The following UROS variants were observed in gnomAD, a reference collection of about 807,000 sequenced individuals.
UROS encodes uroporphyrinogen III synthase.
In UROS, 18 loss-of-function variants were observed where a neutral mutation model predicts 33.0. That is an observed-to-expected ratio of 0.55 (90% CI 0.38 to 0.81). UROS has a LOEUF of 0.81. Among genes scored for constraint, UROS ranks in the 30% least tolerant of loss-of-function variants. The pLI is 0.00. For missense variants in UROS, 293 were observed against 314.9 expected, an observed-to-expected ratio of 0.93 and a Z score of 0.53; for synonymous variants, 114 against 121.1, an observed-to-expected ratio of 0.94 and a Z score of 0.38.
intron 8 of UROS, chr10:125,795,205 G>A: frequency 1.7e-6 from 1 of 576,360 alleles, no homozygotes; most frequent in East Asian, 3.1e-5. Context: ...GCTGCCCCAG[G>A]TCTGTGTCTG....
At chr10:125,807,364 G>A (rs1426913165) in intron 6 of UROS, 49 bp downstream of exon 6, 7 of 1,529,034 alleles carry the variant, frequency 4.6e-6, no homozygotes, top group Non-Finnish European at 5.4e-6. Context: ...TGGTTGTGAG[G>A]TCAACAAAAA....
At chr10:125,791,057 A>T (rs1414613637) in intron 9 of UROS, among the ~76,000 whole-genome samples, 2 of 151,144 alleles carry the variant, frequency 1.3e-5, no homozygotes, top group Non-Finnish European at 2.9e-5. Context: ...GTGTCACTGC[A>T]CTCCAGCCTG....
intron 8 of UROS, 49 bp downstream of exon 8, chr10:125,796,054 C>T (rs1250937824): frequency 1.3e-6 from 2 of 1,569,916 alleles, no homozygotes; most frequent in Non-Finnish European, 1.8e-6. Context: ...CCCTCTGCTT[C>T]CCCACCTGGG....
In UROS at chr10:125,802,968, T is replaced by A. The variant is rs768010998; in HGVS notation, c.394+4445A>T. The A allele has an allele frequency of 1.4e-5, 22 of 1,612,750 alleles. No homozygotes were observed. The South Asian group carries it at 2.2e-4, about 16-fold the overall frequency. On this transcript the variant is annotated intron_variant, in intron 6 of 9. Transcript: ENST00000368797. ...ATATTACTCCAATGATTCATCAGCA[T>A]AAGGGCACGTCCAAACCCACTTTCT...
chr10:125,789,504 T>C, intron 9 of UROS: 1 of 360,656 alleles, frequency 2.8e-6, no homozygotes, highest in Non-Finnish European at 4.1e-6. Flanking sequence ...CCGTGGCCCA[T>C]CCTCTCTGGC....
chr10:125,785,352 T>A (rs1410095166), downstream of UROS: 1 of 152,224 alleles, frequency 6.6e-6, no homozygotes, highest in East Asian at 1.9e-4. Flanking sequence ...CATGCCTGCC[T>A]GCGAAGGAAG....
At chr10:125,805,285 T>G (rs1422186575) in intron 6 of UROS, among the ~76,000 whole-genome samples, 1 of 152,222 alleles carries the variant, frequency 6.6e-6, no homozygotes, top group Admixed American at 6.5e-5. Context: ...TCTTCATCCC[T>G]GCAGGAGCCC....
chr10:125,798,245 CT>C, intron 6 of UROS, 100 bp from the exon 7 acceptor site: 2 of 1,234,732 alleles, frequency 1.6e-6, no homozygotes, highest in Non-Finnish European at 2.4e-6. Flanking sequence ...CAGCCCTGGG[CT>C]CCAGGCCTGG....
rs930322801 is a variant in UROS, at chr10:125,816,055, A to T, written c.147+122T>A. Reference sequence around the variant, plus strand: ...CAGCCTCCTGGAGCCAGGTGAAGTTATGCTGCCATGTTTTAAAGTTTGGGA... The same window carrying T: ...CAGCCTCCTGGAGCCAGGTGAAGTTTTGCTGCCATGTTTTAAAGTTTGGGA... On this transcript the variant is annotated intron_variant, in intron 3 of 9. Coordinates refer to ENST00000368797, the MANE Select transcript of UROS (RefSeq NM_000375.3). The T allele has an allele frequency of 2.9e-6, 3 of 1,039,088 alleles. No homozygotes were observed. In the African/African-American group the frequency reaches 4.7e-5, roughly 16 times the overall value. 64.4% of individuals were successfully genotyped at this position (1,039,088 alleles called of 1,614,324 possible).
intron 3 of UROS, among the ~76,000 whole-genome samples, chr10:125,815,431 C>T (rs987537141): frequency 3.3e-5 from 5 of 152,150 alleles, no homozygotes; most frequent in East Asian, 1.9e-4. Flanking sequence ...GGAAGCCTGA[C>T]GCAGCCTGGG....
chr10:125,816,452 C>T lies in UROS; in HGVS notation c.48G>A (p.Gln16=). Residue 16 remains glutamine, a synonymous_variant, in exon 2 of 10, where the codon CAG becomes CAA. Transcript: ENST00000368797. ...GGCCACTTACCCTGATATACGGATC[C>T]TGGCCACAGTCATCTTCCTTCGCAT... The part of the protein sequence containing the change: ...LKDAKEDDCG[Q]DPYIRELGLY... 1.9e-6 allele frequency: 3 copies of T among 1,614,196 alleles called. No homozygotes were observed. Among genetic ancestry groups the T allele is most frequent in the Non-Finnish European group, 2.5e-6 (3 of 1,180,022 alleles).
At chr10:125,819,633 G>C (rs1853673298) in intron 1 of UROS, 1 of 152,312 alleles carries the variant, frequency 6.6e-6, no homozygotes, top group Admixed American at 6.5e-5. Context: ...ATGGGAGTGG[G>C]AAGGACCCTA....
intron 5 of UROS, among the ~76,000 whole-genome samples, chr10:125,808,851 A>G (rs896685132): frequency 5.9e-5 from 9 of 152,216 alleles, no homozygotes; most frequent in African/African-American, 1.4e-4. Context: ...TGGGGAATGC[A>G]TATTTGGTCT....
rs1160450319 is a variant in UROS at position 125,788,837 on chromosome 10, G to A, written c.*31C>T. 2.6e-6 allele frequency: 4 copies of A among 1,558,784 alleles called. No individual in the cohort carries two copies. Among genetic ancestry groups the A allele is most frequent in the East Asian group, 4.8e-5 (2 of 42,004 alleles). ...ATCCAGAGCCAGCCCAGCCCAGGGAGGCTGCATGGGGCCAGCGCTAGGTGG... is the reference window on the plus strand; with the variant it reads ...ATCCAGAGCCAGCCCAGCCCAGGGAAGCTGCATGGGGCCAGCGCTAGGTGG... On this transcript the variant is annotated 3_prime_UTR_variant, in exon 10 of 10. Transcript: ENST00000368797.
chr10:125,822,758 C>T lies in UROS; in HGVS notation c.-27+271G>A, dbSNP rs377109854. On this transcript the variant is annotated intron_variant, in intron 1 of 9. Coordinates refer to ENST00000368797, the MANE Select transcript of UROS (RefSeq NM_000375.3). ...CAGGCGCGAGACACCGGGCCCGGCC[C>T]CCCGCCGAAGCATTTTTAACTGCGG... Among the ~76,000 whole-genome samples the T allele has an allele frequency of 1.9e-3, 288 of 152,286 alleles. 4 individuals are homozygous for T. In the East Asian group the frequency reaches 0.023, roughly 12 times the overall value.
chr10:125,795,975 G>T, intron 8 of UROS, 128 bp downstream of exon 8: 1 of 835,998 alleles, frequency 1.2e-6, no homozygotes, highest in Non-Finnish European at 2.1e-6. Context: ...ACAGGAAAAG[G>T]CATGCAGGTG....
Position 125,816,718 on chromosome 10 carries a change from G to T in UROS, c.-26-193C>A, listed in dbSNP as rs397515350. ...CTGTCACTGATAAGGCCAAGAAAGAGCATGTTAGCAGTTGATATCACTTGG... is the reference window on the plus strand; with the variant it reads ...CTGTCACTGATAAGGCCAAGAAAGATCATGTTAGCAGTTGATATCACTTGG... On this transcript the variant is annotated intron_variant, in intron 1 of 9. Coordinates refer to ENST00000368797, the MANE Select transcript of UROS (RefSeq NM_000375.3). 12 of 614,840 alleles carry T rather than the reference G, an allele frequency of 2.0e-5. No individual in the cohort carries two copies. The highest frequency in any genetic ancestry group is 4.2e-4 in the Middle Eastern group (1 of 2,356). 38.1% of individuals were successfully genotyped at this position (614,840 alleles called of 1,614,324 possible).
At chr10:125,809,531 C>G (rs1852616307) in intron 5 of UROS, among the ~76,000 whole-genome samples, 1 of 152,142 alleles carries the variant, frequency 6.6e-6, no homozygotes. Context: ...GAAATTGCCA[C>G]TGTAAGTGAA....
intron 1 of UROS, among the ~76,000 whole-genome samples, chr10:125,821,429 T>C (rs1005284232): frequency 6.6e-6 from 1 of 152,188 alleles, no homozygotes; most frequent in Non-Finnish European, 1.5e-5. Context: ...GTTTCTAGAA[T>C]AGTCAAATTA....
Sources: allele counts gnomAD v4.1 joint callset (sites outside exome capture counted in the v4.1 genomes callset), GRCh38; gene constraint gnomAD v4.1.1; transcripts MANE v1.5; gene names NCBI Gene and HGNC (gene_info 2026-07-23, HGNC 2026-07-21).